The following UNKL variants were observed in gnomAD, a reference collection of about 807,000 sequenced individuals.
UNKL encodes the protein unk like zinc finger, also known as putative E3 ubiquitin-protein ligase UNKL.
In UNKL, 60 loss-of-function variants were observed where a neutral mutation model predicts 78.0. The observed-to-expected ratio is 0.77, with a 90% CI of 0.63 to 0.95. The LOEUF (loss-of-function observed/expected upper bound fraction) is 0.95, where lower values mean the gene tolerates loss of function less well. Ranked by LOEUF, UNKL falls within the 40% of genes least tolerant of loss-of-function variation. The pLI is 0.00. For synonymous variants in UNKL, 608 were observed against 474.8 expected (o/e 1.28, Z -3.65); for missense variants, 1,159 against 1,045.7 (o/e 1.11, Z -1.49).
Position 1,366,239 on chromosome 16 carries a change from G to A in UNKL, c.*1C>T, listed in dbSNP as rs765287377. 1 of 1,551,546 alleles carries A rather than the reference G, an allele frequency of 6.4e-7. No individual in the cohort carries two copies. The highest frequency in any genetic ancestry group is 8.7e-7 in the Non-Finnish European group (1 of 1,146,142). ...GCAGGAGGTGGCTGTCCCCGCTGAG[G>A]TCACCACTGCAGGGGCTGGCCCTTG... On this transcript the variant is annotated 3_prime_UTR_variant, in exon 15 of 15. Coordinates refer to ENST00000389221, the MANE Select transcript of UNKL (RefSeq NM_001372107.1).
chr16:1,396,990 G>A (rs555832248), intron 6 of UNKL, 188 bp downstream of exon 6: 20 of 604,384 alleles, frequency 3.3e-5, no homozygotes, highest in Admixed American at 1.2e-4. Flanking sequence ...AGGGCAGCCC[G>A]AAGGCCAGCA....
At chr16:1,391,967 C>A (rs1398656846) in intron 8 of UNKL, among the ~76,000 whole-genome samples, 3 of 152,206 alleles carry the variant, frequency 2.0e-5, no homozygotes, top group East Asian at 3.9e-4. Context: ...GGATTACAGG[C>A]GTGAGCCACC....
intron 8 of UNKL, among the ~76,000 whole-genome samples, chr16:1,391,160 TACACACACAC>T (rs59407356): frequency 4.1e-4 from 59 of 144,734 alleles, no homozygotes; most frequent in South Asian, 6.7e-4. Flanking sequence ...CAAAAAAAAA[TACACACACAC>T]ACACACACAC....
chr16:1,410,317 G>C (rs187485378), intron 2 of UNKL, among the ~76,000 whole-genome samples: 1 of 149,692 alleles, frequency 6.7e-6, no homozygotes, highest in East Asian at 2.0e-4. Context: ...TGCATTAAAA[G>C]CATCACCTGG....
At chr16:1,382,200 C>T (rs562602319) in intron 10 of UNKL, among the ~76,000 whole-genome samples, 2 of 152,340 alleles carry the variant, frequency 1.3e-5, no homozygotes, top group South Asian at 4.1e-4. Context: ...GGAGTATTCA[C>T]AGTTTTAAAA....
At chr16:1,406,126 G>A (rs977152896) in intron 2 of UNKL, 24 of 448,108 alleles carry the variant, frequency 5.4e-5, no homozygotes, top group African/African-American at 3.6e-4. Flanking sequence ...GCTTAAGGAC[G>A]CAGGCATAGG....
intron 2 of UNKL, among the ~76,000 whole-genome samples, chr16:1,413,243 C>CAAAAA (rs546295462): frequency 1.4e-4 from 10 of 71,666 alleles, no homozygotes; most frequent in Non-Finnish European, 1.8e-4. Context: ...GACCCTGTCT[C>CAAAAA]AAAAAAAAAA....
intron 12 of UNKL, 51 bp from the exon 13 acceptor site, chr16:1,367,909 G>C (rs1045975133): frequency 5.7e-5 from 83 of 1,463,606 alleles, no homozygotes; most frequent in Non-Finnish European, 7.6e-5. Context: ...CTCGCGGCCT[G>C]GTGGGATTGG....
intron 4 of UNKL, chr16:1,401,243 GC>G: frequency 4.2e-6 from 1 of 235,886 alleles, no homozygotes; most frequent in Non-Finnish European, 8.1e-6. Context: ...CCTGGTGGGC[GC>G]CCCGGCTCTG....
At position 1,413,839 on chromosome 16, in the gene UNKL, C is replaced by G; in HGVS notation, c.287+7G>C. The G allele has an allele frequency of 6.6e-7, 1 of 1,518,062 alleles. No individual in the cohort carries two copies. Among genetic ancestry groups the G allele is most frequent in the South Asian group, 1.2e-5 (1 of 82,012 alleles). The allele number at this position is 1,518,062 out of a possible 1,614,324, so 94.0% of individuals were successfully genotyped here. ...CCAGGCAGCGGCGCCCCCTCGCGGC[C>G]GCTTACTCGTCGCCGTCGGGGCACA... On this transcript the variant is annotated splice_region_variant and intron_variant, in intron 2 of 14. Transcript: ENST00000389221.
intron 3 of UNKL, among the ~76,000 whole-genome samples, 157 bp from the exon 4 acceptor site, chr16:1,401,858 T>C (rs1425982578): frequency 9.2e-5 from 14 of 152,224 alleles, no homozygotes; most frequent in Admixed American, 9.2e-4. Context: ...TCCGCTGTCC[T>C]GGCCCGCAGT....
chr16:1,396,866 G>A (rs1025176446), intron 6 of UNKL, among the ~76,000 whole-genome samples: 4 of 152,182 alleles, frequency 2.6e-5, no homozygotes, highest in Non-Finnish European at 5.9e-5. Flanking sequence ...TTACAGGCGT[G>A]AGCTACTGCA....
chr16:1,402,145 G>A (rs953137440), intron 3 of UNKL, among the ~76,000 whole-genome samples: 3 of 152,196 alleles, frequency 2.0e-5, no homozygotes, highest in African/African-American at 4.8e-5. Flanking sequence ...CGTTCTCCTG[G>A]AAAGCAGCAG....
chr16:1,388,603 A>G (rs945171575), intron 9 of UNKL, among the ~76,000 whole-genome samples: 1 of 151,730 alleles, frequency 6.6e-6, no homozygotes, highest in African/African-American at 2.4e-5. Context: ...CATCCATGTC[A>G]CTCCTTGTAC....
chr16:1,400,775 C>A (rs953798157), intron 4 of UNKL, among the ~76,000 whole-genome samples: 3 of 151,924 alleles, frequency 2.0e-5, no homozygotes, highest in Non-Finnish European at 2.9e-5. Flanking sequence ...GCAACCTTCA[C>A]CCCCCGAGTT....
chr16:1,388,197 G>A (rs146420582), intron 9 of UNKL, among the ~76,000 whole-genome samples: 34 of 152,196 alleles, frequency 2.2e-4, no homozygotes, highest in East Asian at 1.2e-3. Flanking sequence ...TCTGTGCCCC[G>A]CACCTGTGTC....
At chr16:1,413,693 C>T (rs1050955987) in intron 2 of UNKL, among the ~76,000 whole-genome samples, 153 bp downstream of exon 2, 9 of 152,260 alleles carry the variant, frequency 5.9e-5, no homozygotes, top group African/African-American at 2.2e-4. Context: ...CCCCAGCATC[C>T]CTGGTCACTA....
intron 5 of UNKL, chr16:1,398,187 A>C (rs2037360459): frequency 1.7e-6 from 1 of 580,270 alleles, no homozygotes; most frequent in African/African-American, 2.0e-5. Flanking sequence ...AAAACTCCGC[A>C]CCAATTTCAA....
intron 10 of UNKL, chr16:1,379,655 C>T: frequency 2.0e-6 from 2 of 984,604 alleles, no homozygotes; most frequent in Non-Finnish European, 2.4e-6. Flanking sequence ...CGGTCCGCGG[C>T]CGCCCCGCGC....
Sources: gnomAD v4.1 joint callset for allele counts (sites outside exome capture counted in the v4.1 genomes callset) on GRCh38, gnomAD v4.1.1 for gene constraint, MANE v1.5 for transcripts, NCBI Gene and HGNC (gene_info 2026-07-23, HGNC 2026-07-21) for gene names.